RYR3: variants seen among roughly 807,000 people sequenced by gnomAD.
The protein encoded by RYR3 is ryanodine receptor 3, also known as brain ryanodine receptor-calcium release channel.
A neutral mutation model predicts 584.3 loss-of-function variants in RYR3; 207 were observed. The ratio of observed to expected loss-of-function variants is 0.35; its 90% CI spans 0.32 to 0.40. The LOEUF is 0.40. Ranked by LOEUF, RYR3 falls within the 10% of genes least tolerant of loss-of-function variation. RYR3 has a pLI of 1.00. For synonymous variants in RYR3, 2,416 were observed against 2,248.5 expected (o/e 1.07, Z -2.11); for missense variants, 5,616 against 6,089.2 (o/e 0.92, Z 2.59).
chr15:33,448,903 G>A (rs537042991), intron 1 of RYR3, among the ~76,000 whole-genome samples: 2 of 152,134 alleles, frequency 1.3e-5, no homozygotes, highest in Admixed American at 6.6e-5. Context: ...GGGAGAGAAC[G>A]TGGTCACTGA....
chr15:33,670,534 G>A lies in RYR3; in HGVS notation c.5838G>A (p.Thr1946=), dbSNP rs757689158. 3.8e-6 allele frequency: 6 copies of A among 1,583,492 alleles called. No homozygotes were observed. The highest frequency in any genetic ancestry group is 2.2e-5 in the East Asian group (1 of 44,608). ...GPPKPEKEQP[T]EEEERCPTTL... The stretch of plus-strand genomic sequence containing the variant: ...CCAAGCCAGAGAAGGAGCAGCCGAC[G>A]GAGGAGGAGGAGAGATGCCCCAGTA... Residue 1946 remains threonine, a synonymous_variant, in exon 38 of 104, where the codon ACG becomes ACA. Coordinates refer to ENST00000634891, the MANE Select transcript of RYR3 (RefSeq NM_001036.6).
At chr15:33,745,065 T>C (rs1192677496) in intron 52 of RYR3, among the ~76,000 whole-genome samples, 2 of 152,080 alleles carry the variant, frequency 1.3e-5, no homozygotes, top group East Asian at 1.9e-4. Flanking sequence ...ACTAACATAC[T>C]AGCAGGGAAG....
In RYR3 at chr15:33,669,831, G is replaced by GGT. The variant is rs200233523; in HGVS notation, c.5722+387_5722+388dup. Among the ~76,000 whole-genome samples, 320 of 51,082 alleles carry GGT rather than the reference G, an allele frequency of 6.3e-3. 20 individuals carry two copies. The highest frequency in any genetic ancestry group is 0.026 in the Middle Eastern group (2 of 78). The allele number at this position is 51,082 out of a possible 152,430, so 33.5% of individuals were successfully genotyped here. On this transcript the variant is annotated intron_variant, in intron 37 of 103. Coordinates refer to ENST00000634891, the MANE Select transcript of RYR3 (RefSeq NM_001036.6). ...ATCTCTTTGCTTTTTAGCTATTAGG[G>GGT]GTGTGTGTGTGTGGGGGGGGGGGGG... is the stretch of plus-strand genomic sequence containing the variant.
intron 43 of RYR3, among the ~76,000 whole-genome samples, chr15:33,709,721 A>C (rs2066962314): frequency 6.6e-6 from 1 of 152,210 alleles, no homozygotes; most frequent in Non-Finnish European, 1.5e-5. Flanking sequence ...CAGCCTCCAG[A>C]ATCATGAGCC....
intron 67 of RYR3, among the ~76,000 whole-genome samples, chr15:33,791,382 A>C (rs901432335): frequency 8.3e-4 from 116 of 139,688 alleles, no homozygotes; most frequent in Non-Finnish European, 1.6e-3. Flanking sequence ...ACACACACAC[A>C]CCCCTACATT....
Position 33,736,334 on chromosome 15 carries a change from C to G in RYR3, c.7515+9C>G. On this transcript the variant is annotated intron_variant, in intron 49 of 103. Coordinates refer to ENST00000634891, the MANE Select transcript of RYR3 (RefSeq NM_001036.6). ...GCAAAATGCCTCTCAAGGTAAACAT[C>G]ACTATTGTTACAGAAATACAGTCTA... is the stretch of plus-strand genomic sequence containing the variant. The G allele has an allele frequency of 6.3e-7, 1 of 1,587,232 alleles. No individual in the cohort carries two copies. Among genetic ancestry groups the G allele is most frequent in the Non-Finnish European group, 8.6e-7 (1 of 1,158,698 alleles).
At chr15:33,757,775 T>G in intron 60 of RYR3, 179 bp downstream of exon 60, 1 of 668,328 alleles carries the variant, frequency 1.5e-6, no homozygotes, top group Non-Finnish European at 2.5e-6. Flanking sequence ...CAGCAACCAA[T>G]TGAGGTATAC....
chr15:33,864,974 G>C, intron 103 of RYR3, 157 bp from the exon 104 acceptor site: 1 of 573,416 alleles, frequency 1.7e-6, no homozygotes, highest in East Asian at 2.8e-5. Context: ...TTCCCAAACA[G>C]CCTGTGCTGG....
chr15:33,532,980 G>T (rs2055012878), intron 4 of RYR3, among the ~76,000 whole-genome samples: 1 of 152,122 alleles, frequency 6.6e-6, no homozygotes, highest in African/African-American at 2.4e-5. Flanking sequence ...AGCTGGGCAT[G>T]GTGGCACACA....
chr15:33,569,330 A>G (rs529283284), intron 12 of RYR3, among the ~76,000 whole-genome samples: 1 of 152,284 alleles, frequency 6.6e-6, no homozygotes, highest in African/African-American at 2.4e-5. Flanking sequence ...TTTCAGTGTC[A>G]TCACTACTAT....
intron 16 of RYR3, among the ~76,000 whole-genome samples, chr15:33,591,853 G>A (rs1036916607): frequency 2.0e-5 from 3 of 152,162 alleles, no homozygotes; most frequent in Non-Finnish European, 2.9e-5. Context: ...CTCAAATATA[G>A]GACTTGACAT....
intron 16 of RYR3, among the ~76,000 whole-genome samples, chr15:33,594,060 T>C (rs1028767776): frequency 2.6e-5 from 4 of 152,174 alleles, no homozygotes; most frequent in African/African-American, 9.6e-5. Context: ...TCCTCTCCTC[T>C]GGAGGGTCCA....
At chr15:33,736,478 A>C (rs574938389) in intron 49 of RYR3, among the ~76,000 whole-genome samples, 153 bp downstream of exon 49, 1 of 152,276 alleles carries the variant, frequency 6.6e-6, no homozygotes, top group South Asian at 2.1e-4. Flanking sequence ...GATCCCACAA[A>C]ACCAAGTCCT....
chr15:33,690,912 A>G (rs1466899842), intron 38 of RYR3, among the ~76,000 whole-genome samples: 2 of 152,204 alleles, frequency 1.3e-5, no homozygotes, highest in Non-Finnish European at 2.9e-5. Context: ...TGAAAACTAA[A>G]TTTTTCAAAA....
At chr15:33,761,741 C>T (rs916254801) in intron 60 of RYR3, among the ~76,000 whole-genome samples, 1 of 152,192 alleles carries the variant, frequency 6.6e-6, no homozygotes. Context: ...GGACTCCTCC[C>T]TAACTCATTT....
rs746372492 is a variant in RYR3, at chr15:33,738,427, C to G, written c.7516-23C>G. On this transcript the variant is annotated intron_variant, in intron 49 of 103. Coordinates refer to ENST00000634891, the MANE Select transcript of RYR3 (RefSeq NM_001036.6). ...ACTTTCTCTATGCCACCCCGCTGGT[C>G]TGTCCTGTTCTGCACCTCCCAGCTT... is the stretch of plus-strand genomic sequence containing the variant. 1.7e-5 allele frequency: 27 copies of G among 1,602,966 alleles called. No homozygotes were observed. The South Asian group carries it at 2.9e-4, about 17-fold the overall frequency.
rs1291329819 is a variant in RYR3, at chr15:33,550,168, G to C, written c.824G>C (p.Gly275Ala). 1.2e-6 allele frequency: 2 copies of C among 1,612,234 alleles called. No homozygotes were observed. Among genetic ancestry groups the C allele is most frequent in the East Asian group, 4.5e-5 (2 of 44,860 alleles). The change falls in exon 10 of 104, where the codon GGC becomes GCC. Residue 275 changes from glycine to alanine, a missense_variant. Coordinates refer to ENST00000634891, the MANE Select transcript of RYR3 (RefSeq NM_001036.6). ...CTGTTTCATCTGCCCAGCTGGAGTG[G>C]CAGTAACATCAGATGGGGCCAGGCT... is the stretch of plus-strand genomic sequence containing the variant. Reference protein sequence around the residue: ...RVEPLRISWSGSNIRWGQAFR... With the variant: ...RVEPLRISWSASNIRWGQAFR...
At chr15:33,815,785 CTG>C in intron 74 of RYR3, 1 of 398,314 alleles carries the variant, frequency 2.5e-6, no homozygotes, top group East Asian at 3.6e-5. Context: ...TTATGGGAAA[CTG>C]TCTCTGATGC....
intron 69 of RYR3, among the ~76,000 whole-genome samples, chr15:33,806,920 A>ATTT (rs35069939): frequency 0.14 from 19,282 of 141,298 alleles, 1,387 homozygotes; most frequent in Middle Eastern, 0.25. Context: ...ACCCAGCTGA[A>ATTT]TTTTTTTTTT....
Sources: allele counts gnomAD v4.1 joint callset (sites outside exome capture counted in the v4.1 genomes callset), GRCh38; gene constraint gnomAD v4.1.1; transcripts MANE v1.5; gene names NCBI Gene and HGNC (gene_info 2026-07-23, HGNC 2026-07-21).